NLRP11: variants seen among roughly 807,000 people sequenced by gnomAD.
NLRP11 encodes the protein NLR family pyrin domain containing 11.
A neutral mutation model predicts 79.3 loss-of-function variants in NLRP11; 53 were observed. The ratio of observed to expected loss-of-function variants is 0.67; its 90% confidence interval spans 0.54 to 0.84. The LOEUF is 0.84. NLRP11 is among the 40% of genes least tolerant of loss of function. NLRP11 has a pLI of 0.00. For missense variants in NLRP11, 1,264 were observed against 1,255.0 expected (o/e 1.01, Z -0.11); for synonymous variants, 518 against 462.6 (o/e 1.12, Z -1.54).
intron 2 of NLRP11, among the ~76,000 whole-genome samples, chr19:55,812,610 G>A (rs1385596187): frequency 1.3e-5 from 2 of 152,184 alleles, no homozygotes; most frequent in African/African-American, 4.8e-5. Flanking sequence ...GGGTGAAGAT[G>A]TGGAGAAAAG....
At chr19:55,823,040 T>G (rs1267407319) in intron 1 of NLRP11, among the ~76,000 whole-genome samples, 1 of 149,240 alleles carries the variant, frequency 6.7e-6, no homozygotes, top group South Asian at 2.1e-4. Flanking sequence ...AGAGCAGTGG[T>G]TCTCCCAGCA....
At chr19:55,798,294 G>C (rs1386305213) in intron 5 of NLRP11, 1 of 983,296 alleles carries the variant, frequency 1.0e-6, no homozygotes, top group Non-Finnish European at 1.2e-6. Context: ...CGTCGCGTTG[G>C]CCTGTGTATT....
At chr19:55,807,761 T>C (rs1487048791) in intron 4 of NLRP11, 92 bp downstream of exon 4, 1 of 806,636 alleles carries the variant, frequency 1.2e-6, no homozygotes, top group Non-Finnish European at 1.9e-6. Context: ...GACCTGAAAG[T>C]GTGTTTTGTA....
intron 5 of NLRP11, among the ~76,000 whole-genome samples, chr19:55,799,803 C>T (rs1241923027): frequency 1.3e-5 from 2 of 152,058 alleles, no homozygotes; most frequent in East Asian, 1.9e-4. Context: ...CCCATCTCTA[C>T]TAAAAACACA....
rs199710418 is a variant in NLRP11 at position 55,801,615 on chromosome 19, G to A, written c.2128C>T (p.His710Tyr). 163 of 1,613,982 alleles carry A rather than the reference G, an allele frequency of 1.0e-4. No homozygotes were observed. The highest frequency in any genetic ancestry group is 3.3e-4 in the Middle Eastern group (2 of 6,084). ...CATGTGGGCTCGTGCAGGATGTCAT[G>A]CAGAAGTGAAAACATATTTAGGGAA... The change falls in exon 5 of 10, where the codon CAT (histidine) becomes TAT (tyrosine). Residue 710 changes from histidine to tyrosine, a missense_variant. By Grantham distance (83) the His-to-Tyr change is moderately conservative. Coordinates refer to ENST00000589093, the Ensembl canonical transcript of NLRP11.
chr19:55,833,421 T>C (rs1045950158), upstream of NLRP11, among the ~76,000 whole-genome samples: 2 of 152,034 alleles, frequency 1.3e-5, no homozygotes, highest in Non-Finnish European at 2.9e-5. Context: ...GGAATGATGA[T>C]TGAGTTGGAC....
At chr19:55,801,452 T>C in intron 5 of NLRP11, 120 bp downstream of exon 5, 3 of 715,890 alleles carry the variant, frequency 4.2e-6, no homozygotes, top group Non-Finnish European at 7.1e-6. Flanking sequence ...CTAAAAAAAT[T>C]GAGGAATGAG....
chr19:55,815,697 G>T (rs1049286527), intron 2 of NLRP11, among the ~76,000 whole-genome samples: 2 of 152,118 alleles, frequency 1.3e-5, no homozygotes, highest in African/African-American at 4.8e-5. Flanking sequence ...TCCCATTTGT[G>T]TATAAAGACA....
At chr19:55,788,363 C>CTTTTTTTTT (rs74179639) in intron 9 of NLRP11, among the ~76,000 whole-genome samples, 1 of 140,722 alleles carries the variant, frequency 7.1e-6, no homozygotes. Flanking sequence ...AGAGGAAAGA[C>CTTTTTTTTT]TTTTTTTTTT....
chr19:55,817,186 G>A (rs1981203601), intron 2 of NLRP11, among the ~76,000 whole-genome samples: 1 of 152,042 alleles, frequency 6.6e-6, no homozygotes, highest in Non-Finnish European at 1.5e-5. Context: ...TTAAAAAATA[G>A]ATGTTGGTAT....
intron 1 of NLRP11, among the ~76,000 whole-genome samples, chr19:55,829,949 T>C (rs1431900371): frequency 2.0e-5 from 3 of 152,214 alleles, no homozygotes; most frequent in Non-Finnish European, 4.4e-5. Flanking sequence ...TCTATATTGA[T>C]TGCATTCATG....
chr19:55,809,284 A>C lies in NLRP11; in HGVS notation c.1326T>G (p.His442Gln). 2 of 1,614,084 alleles carry C rather than the reference A, an allele frequency of 1.2e-6. No individual in the cohort carries two copies. Among genetic ancestry groups the C allele is most frequent in the Non-Finnish European group, 8.5e-7 (1 of 1,179,936 alleles). Residue 442 changes from histidine to glutamine, a missense_variant, in exon 3 of 10, where the codon CAT becomes CAG. By Grantham distance (24) the His-to-Gln change is conservative. Coordinates refer to ENST00000589093, the Ensembl canonical transcript of NLRP11. This position sits in a 1 kb window ranked among gnomAD's most constrained non-coding sequence, Gnocchi z 4.5. Reference sequence around the variant, plus strand: ...AGTGTATGAACTTGTAACGGTCTTTATGAGTGTTGCTCGGCAAAAGAATAT... The same window carrying C: ...AGTGTATGAACTTGTAACGGTCTTTCTGAGTGTTGCTCGGCAAAAGAATAT...
Position 55,809,480 on chromosome 19 carries a change from G to GC in NLRP11, c.1129dup (p.Ala377GlyfsTer39). 1 of 1,614,106 alleles carries GC rather than the reference G, an allele frequency of 6.2e-7. No homozygotes were observed. Among genetic ancestry groups the GC allele is most frequent in the Non-Finnish European group, 8.5e-7 (1 of 1,179,998 alleles). ...AGTAAGTCCAGCCTCTGATGTCAAC[G>GC]CATCAGCAAGAAAGTGGGCATGTAG... On this transcript the variant is annotated frameshift_variant, in exon 3 of 10. Coordinates refer to ENST00000589093, the Ensembl canonical transcript of NLRP11. LOFTEE classifies it high-confidence loss of function. This position sits in a 1 kb window ranked among gnomAD's most constrained non-coding sequence, Gnocchi z 4.5.
chr19:55,815,160 C>A (rs2122854463), intron 2 of NLRP11, among the ~76,000 whole-genome samples: 1 of 152,060 alleles, frequency 6.6e-6, no homozygotes, highest in African/African-American at 2.4e-5. Flanking sequence ...ATATGGGTGA[C>A]AAATGTTTTA....
chr19:55,827,869 G>A (rs1982381255), intron 1 of NLRP11, among the ~76,000 whole-genome samples: 1 of 150,974 alleles, frequency 6.6e-6, no homozygotes, highest in Non-Finnish European at 1.5e-5. Context: ...GATTCCTCAG[G>A]GATCTAGAAC....
intron 9 of NLRP11, among the ~76,000 whole-genome samples, chr19:55,787,324 G>C (rs991177776): frequency 6.6e-6 from 1 of 152,090 alleles, no homozygotes; most frequent in Non-Finnish European, 1.5e-5. Flanking sequence ...TTTGCCTCTA[G>C]CATAAGCAAG....
intron 6 of NLRP11, 109 bp downstream of exon 6, chr19:55,795,971 G>A (rs955053287): frequency 3.0e-5 from 29 of 966,334 alleles, no homozygotes; most frequent in Middle Eastern, 3.3e-4. Context: ...CTGTGCTTTC[G>A]GCTGCTTTGC....
rs1393770599 is a variant in NLRP11 at position 55,794,278 on chromosome 19, G to GA, written c.2342+1801dup. On this transcript the variant is annotated intron_variant, in intron 6 of 9. Transcript: ENST00000589093. ...TGGAACCAGTGGGAAAAGAAAAAAA[G>GA]AAAAAATCTAGCAGGAAACAAAAAA... Among the ~76,000 whole-genome samples the GA allele has an allele frequency of 3.3e-5, 5 of 152,094 alleles. No homozygotes were observed. The East Asian group carries it at 7.7e-4, about 24-fold the overall frequency.
chr19:55,801,861 T>A (rs1041864117), intron 4 of NLRP11, 122 bp from the exon 5 acceptor site: 1 of 759,414 alleles, frequency 1.3e-6, no homozygotes, highest in Non-Finnish European at 2.2e-6. Flanking sequence ...TCCTCACACA[T>A]GGCTCTCGAT....
Sources: allele counts gnomAD v4.1 joint callset (sites outside exome capture counted in the v4.1 genomes callset), GRCh38; gene constraint gnomAD v4.1.1; non-coding constraint Gnocchi (gnomAD v3.1); transcripts MANE v1.5; gene names NCBI Gene and HGNC (gene_info 2026-07-23, HGNC 2026-07-21).